The following MYH11 variants were observed in gnomAD, a reference collection of about 807,000 sequenced individuals.
The protein encoded by MYH11 is myosin-11.
Under a neutral mutation model 246.6 loss-of-function variants are expected in MYH11, and 80 were observed. That is an observed-to-expected ratio of 0.32 (90% CI 0.27 to 0.39). MYH11 has a LOEUF of 0.39. Among genes scored for constraint, MYH11 ranks in the 10% least tolerant of loss-of-function variants. The pLI, the probability that MYH11 is intolerant of heterozygous loss-of-function variation, is 1.00. For missense variants in MYH11, 2,158 were observed against 2,546.8 expected (o/e 0.85, Z 3.29); for synonymous variants, 1,071 against 1,015.5 (o/e 1.05, Z -1.04).
chr16:15,822,063 A>T (rs7192322), intron 3 of MYH11, among the ~76,000 whole-genome samples: 1 of 152,094 alleles, frequency 6.6e-6, no homozygotes, highest in East Asian at 1.9e-4. Flanking sequence ...AAGGGCCAAG[A>T]TTCTGGTCCT....
At chr16:15,797,538 A>AATAT (rs57880491) in intron 4 of MYH11, among the ~76,000 whole-genome samples, 2 of 147,304 alleles carry the variant, frequency 1.4e-5, no homozygotes, top group East Asian at 1.9e-4. Context: ...CAGACCTTCA[A>AATAT]ATATATATAT....
At chr16:15,818,989 C>T (rs879514155) in intron 3 of MYH11, among the ~76,000 whole-genome samples, 1 of 152,212 alleles carries the variant, frequency 6.6e-6, no homozygotes, top group Non-Finnish European at 1.5e-5. Context: ...AAGCCATCCT[C>T]CTGCCTCAGC....
chr16:15,841,567 G>T (rs1203981548), intron 1 of MYH11, among the ~76,000 whole-genome samples: 1 of 152,204 alleles, frequency 6.6e-6, no homozygotes, highest in African/African-American at 2.4e-5. Flanking sequence ...CTTGATGGAA[G>T]ATTAGGTCAT....
rs2151225342 is a variant in MYH11, at chr16:15,726,920, C to T, written c.3786G>A (p.Gln1262=). 2.5e-6 allele frequency: 4 copies of T among 1,613,078 alleles called. No individual in the cohort carries two copies. Among genetic ancestry groups the T allele is most frequent in the East Asian group, 2.2e-5 (1 of 44,826 alleles). The change falls in exon 28 of 41, where the codon CAG becomes CAA. Residue 1262 remains glutamine, a synonymous_variant. Transcript: ENST00000300036. ...CATCGCTGCACTTGGACTGCAGCTC[C>T]TGCACCTGCGCCTCCAGCTTCTTCT... ...HKKKKLEAQV[Q]ELQSKCSDGE...
In MYH11 at chr16:15,715,320, C is replaced by T. The variant is rs199782273; in HGVS notation, c.5505-48G>A. 49 of 1,592,808 alleles carry T rather than the reference C, an allele frequency of 3.1e-5. No homozygotes were observed. The East Asian group carries it at 7.6e-4, about 25-fold the overall frequency. The stretch of plus-strand genomic sequence containing the variant: ...GTGGTTTCAGCGGAGGGTGGCACCC[C>T]TTGTAGCTGGTGTGTCACCTGGAGG... On this transcript the variant is annotated intron_variant, in intron 38 of 40. Transcript: ENST00000300036.
intron 3 of MYH11, among the ~76,000 whole-genome samples, chr16:15,806,797 G>T (rs1308775752): frequency 1.6e-5 from 2 of 122,200 alleles, no homozygotes; most frequent in Admixed American, 7.8e-5. Flanking sequence ...CTGACACACA[G>T]TAGGTGCTCA....
chr16:15,773,410 G>T (rs1038020916), intron 8 of MYH11, among the ~76,000 whole-genome samples: 1 of 150,094 alleles, frequency 6.7e-6, no homozygotes, highest in African/African-American at 2.5e-5. Context: ...CCTGCCTCTC[G>T]AGTAGCTGGG....
Position 15,759,711 on chromosome 16 carries a change from C to T in MYH11, c.1266G>A (p.Glu422=). The T allele has an allele frequency of 6.2e-7, 1 of 1,614,190 alleles. No individual in the cohort carries two copies. The highest frequency in any genetic ancestry group is 1.3e-5 in the African/African-American group (1 of 75,054). ...QTKEQADFAV[E]ALAKATYERL... The stretch of plus-strand genomic sequence containing the variant: ...GCTCATATGTTGCCTTGGCCAAAGC[C>T]TCTACAGCAAAGTCAGCCTGCAGAG... The change falls in exon 12 of 41, where the codon GAG becomes GAA. Residue 422 remains glutamate, a synonymous_variant. Coordinates refer to ENST00000300036, the MANE Select transcript of MYH11 (RefSeq NM_002474.3).
At position 15,820,550 on chromosome 16, in the gene MYH11, C is replaced by T. The variant is rs191239217; in HGVS notation, c.502+2705G>A. On this transcript the variant is annotated intron_variant, in intron 3 of 40. Coordinates refer to ENST00000300036, the MANE Select transcript of MYH11 (RefSeq NM_002474.3). Reference sequence around the variant, plus strand: ...TCAGGGCAATTCACAGCTGAATGAACGCTAAGACCACAGGGGCTTTGAGAG... The same window carrying T: ...TCAGGGCAATTCACAGCTGAATGAATGCTAAGACCACAGGGGCTTTGAGAG... Among the ~76,000 whole-genome samples, 34 of 150,214 alleles carry T rather than the reference C, an allele frequency of 2.3e-4. 1 individual carries two copies. The highest frequency in any genetic ancestry group is 2.0e-4 in the Admixed American group (3 of 15,132).
intron 2 of MYH11, among the ~76,000 whole-genome samples, chr16:15,834,093 T>C (rs763904194): frequency 1.2e-4 from 18 of 152,120 alleles, no homozygotes; most frequent in Non-Finnish European, 2.4e-4. Context: ...TGATTTCTAT[T>C]TGAGGACAGC....
In MYH11 at chr16:15,856,953, G is replaced by C. The variant is rs2044492091; in HGVS notation, c.-30C>G. The C allele has an allele frequency of 6.6e-6, 1 of 152,200 alleles. No homozygotes were observed. The highest frequency in any genetic ancestry group is 6.5e-5 in the Admixed American group (1 of 15,268). The allele number at this position is 152,200 out of a possible 1,614,324, so 9.4% of individuals were successfully genotyped here. ...AACTACTACTTACAGATCTCCAACT[G>C]GGGGGACTAGTGGAGAGGAAACTGG... is the stretch of plus-strand genomic sequence containing the variant. On this transcript the variant is annotated 5_prime_UTR_variant, in exon 1 of 41. Transcript: ENST00000300036.
chr16:15,808,937 T>C (rs1203793572), intron 3 of MYH11, among the ~76,000 whole-genome samples: 1 of 151,944 alleles, frequency 6.6e-6, no homozygotes, highest in East Asian at 1.9e-4. Flanking sequence ...AACTGGCCAG[T>C]GAAGGGGTGT....
chr16:15,705,367 G>A (rs2039390119), intron 40 of MYH11, among the ~76,000 whole-genome samples: 1 of 152,114 alleles, frequency 6.6e-6, no homozygotes, highest in Non-Finnish European at 1.5e-5. Context: ...GTTCTCTCTT[G>A]AGTTTATCAC....
intron 1 of MYH11, among the ~76,000 whole-genome samples, chr16:15,842,657 G>A (rs1013273774): frequency 2.0e-5 from 3 of 150,810 alleles, no homozygotes; most frequent in African/African-American, 4.9e-5. Flanking sequence ...CTAGCTACTC[G>A]GGAGGCTGAG....
chr16:15,727,100 G>A lies in MYH11; in HGVS notation c.3652-46C>T, dbSNP rs201525402. The A allele has an allele frequency of 9.3e-4, 1,468 of 1,586,042 alleles. 2 individuals carry two copies. The highest frequency in any genetic ancestry group is 1.2e-3 in the Non-Finnish European group (1,375 of 1,158,478). On this transcript the variant is annotated intron_variant, in intron 27 of 40. Coordinates refer to ENST00000300036, the MANE Select transcript of MYH11 (RefSeq NM_002474.3). ...GAGGGATAACAGGGAGGCTGTGGCCGGGAGAACGTTTCAGGCCCTGCCCTT... is the reference window on the plus strand; with the variant it reads ...GAGGGATAACAGGGAGGCTGTGGCCAGGAGAACGTTTCAGGCCCTGCCCTT...
Position 15,750,431 on chromosome 16 carries a change from A to G in MYH11, c.1865-100T>C, listed in dbSNP as rs777912434. On this transcript the variant is annotated intron_variant, in intron 15 of 40. Coordinates refer to ENST00000300036, the MANE Select transcript of MYH11 (RefSeq NM_002474.3). The surrounding 1 kb of genome is among the most constrained non-coding windows in gnomAD (Gnocchi z 4.3). ...CCCACCCACCAACCTGCCCACTCCA[A>G]TCTTTCCTTCCATCACCAACGCCTC... The G allele has an allele frequency of 9.3e-6, 11 of 1,188,300 alleles. No homozygotes were observed. The highest frequency in any genetic ancestry group is 1.2e-5 in the Non-Finnish European group (10 of 832,716). The allele number at this position is 1,188,300 out of a possible 1,614,324, so 73.6% of individuals were successfully genotyped here.
intron 30 of MYH11, 98 bp from the exon 31 acceptor site, chr16:15,724,507 G>A (rs1263822356): frequency 1.4e-5 from 22 of 1,606,756 alleles, no homozygotes; most frequent in African/African-American, 6.7e-5. Flanking sequence ...ATGTCTCCTC[G>A]TTGGAGAAAC....
intron 4 of MYH11, 115 bp downstream of exon 4, chr16:15,798,545 A>G (rs945684346): frequency 8.9e-7 from 1 of 1,117,554 alleles, no homozygotes; most frequent in African/African-American, 1.6e-5. Flanking sequence ...GGAACCATGA[A>G]CAAATCAAAG....
chr16:15,755,164 A>T (rs2041677573), intron 14 of MYH11, among the ~76,000 whole-genome samples: 1 of 152,212 alleles, frequency 6.6e-6, no homozygotes, highest in African/African-American at 2.4e-5. Context: ...TGTGCCCATG[A>T]TGCAGTGGAG....
Sources: gnomAD v4.1 joint callset for allele counts (sites outside exome capture counted in the v4.1 genomes callset) on GRCh38, gnomAD v4.1.1 for gene constraint, Gnocchi (gnomAD v3.1) non-coding constraint, MANE v1.5 for transcripts, NCBI Gene and HGNC (gene_info 2026-07-23, HGNC 2026-07-21) for gene names.